Variants in RACK1 observed in about 807,000 individuals in gnomAD.
RACK1 encodes receptor for activated C kinase 1, also known as small ribosomal subunit protein RACK1.
A neutral mutation model predicts 42.2 loss-of-function variants in RACK1; 3 were observed. That is an observed-to-expected ratio of 0.07 (90% confidence interval 0.03 to 0.18). RACK1 has a LOEUF of 0.18. Among genes scored for constraint, RACK1 ranks in the 10% least tolerant of loss-of-function variants. The pLI is 1.00. For missense variants in RACK1, 146 were observed against 403.2 expected, an observed-to-expected ratio of 0.36 and a Z score of 5.46; for synonymous variants, 181 against 154.8, an observed-to-expected ratio of 1.17 and a Z score of -1.25.
intron 7 of RACK1, chr5:181,237,321 T>C (rs1452393986): frequency 2.8e-6 from 2 of 717,322 alleles, no homozygotes; most frequent in African/African-American, 1.7e-5. Context: ...TATGTATTCC[T>C]TGAGGAAGAA....
chr5:181,240,545 T>C (rs1338094306), intron 3 of RACK1: 6 of 148,866 alleles, frequency 4.0e-5, no homozygotes, highest in African/African-American at 1.5e-4. Context: ...CCTGTAATCT[T>C]CTCAGACACC....
intron 1 of RACK1, chr5:181,243,214 G>A: frequency 8.0e-7 from 1 of 1,245,678 alleles, no homozygotes; most frequent in Non-Finnish European, 1.1e-6. Context: ...CACAGGGATA[G>A]GGACGGGGAG....
rs149236542 is a variant in RACK1 at position 181,240,095 on chromosome 5, C to A, written c.430-513G>T. ...ATAGGGCCTGGTGTGGTGGCTCACG[C>A]CTGTAATCCCAGCACTTTAGGAAGC... On this transcript the variant is annotated intron_variant, in intron 3 of 7. Coordinates refer to ENST00000512805, the MANE Select transcript of RACK1 (RefSeq NM_006098.5). 1,809 of 155,168 alleles carry A rather than the reference C, an allele frequency of 0.012. 77 individuals are homozygous for A. The East Asian group carries it at 0.14, about 12-fold the overall frequency. 9.6% of individuals were successfully genotyped at this position (155,168 alleles called of 1,614,324 possible). A position where few individuals can be genotyped will look rare whatever the true frequency, so the allele number is the denominator to read the frequency against.
At chr5:181,242,527 A>G (rs1759382582) in intron 1 of RACK1, 182 bp from the exon 2 acceptor site, 2 of 683,166 alleles carry the variant, frequency 2.9e-6, no homozygotes, top group Non-Finnish European at 5.3e-6. Flanking sequence ...ATTCCAGACT[A>G]AAAACGCACG....
intron 6 of RACK1, 79 bp from the exon 7 acceptor site, chr5:181,237,798 G>GT: frequency 1.2e-6 from 1 of 866,092 alleles, no homozygotes; most frequent in African/African-American, 1.7e-5. Flanking sequence ...AGATTCTCAA[G>GT]TTAAAAAGGG....
chr5:181,242,406 G>T, intron 1 of RACK1, 61 bp from the exon 2 acceptor site: 3 of 1,131,950 alleles, frequency 2.7e-6, no homozygotes, highest in Non-Finnish European at 4.0e-6. Flanking sequence ...TAACACACTG[G>T]ATAATTCACT....
At chr5:181,243,635 C>T in intron 1 of RACK1, 57 bp downstream of exon 1, 1 of 1,541,194 alleles carries the variant, frequency 6.5e-7, no homozygotes. Flanking sequence ...CCCTACACGA[C>T]ACGCGGAATC....
intron 7 of RACK1, 71 bp downstream of exon 7, chr5:181,237,538 G>A (rs751024796): frequency 4.7e-6 from 4 of 851,204 alleles, no homozygotes; most frequent in South Asian, 1.3e-5. Context: ...TGACAGACTA[G>A]ATATACTAAC....
intron 1 of RACK1, chr5:181,242,595 T>G (rs1759387733): frequency 1.9e-6 from 1 of 536,944 alleles, no homozygotes; most frequent in Non-Finnish European, 3.6e-6. Flanking sequence ...TCTCGCTCTG[T>G]CGCCCAGGCT....
At chr5:181,242,038 A>T in intron 2 of RACK1, 136 bp downstream of exon 2, 1 of 844,166 alleles carries the variant, frequency 1.2e-6, no homozygotes, top group Admixed American at 1.8e-5. Flanking sequence ...GGGAGGCCAA[A>T]CATCTTCTGT....
intron 2 of RACK1, 79 bp from the exon 3 acceptor site, chr5:181,241,718 C>T: frequency 6.8e-7 from 1 of 1,481,334 alleles, no homozygotes; most frequent in Middle Eastern, 1.7e-4. Flanking sequence ...TGGGCTTTGT[C>T]TCTGTCTCAT....
At chr5:181,237,944 AC>A (rs1561679068) in intron 6 of RACK1, 154 bp downstream of exon 6, 1 of 761,848 alleles carries the variant, frequency 1.3e-6, no homozygotes, top group African/African-American at 1.7e-5. Flanking sequence ...ACAGGACTGC[AC>A]ACCACAACAG....
chr5:181,242,502 G>T, intron 1 of RACK1, 157 bp from the exon 2 acceptor site: 1 of 679,486 alleles, frequency 1.5e-6, no homozygotes. Context: ...TTACAGACCA[G>T]GACTGAGTGG....
At chr5:181,241,192 G>A in intron 3 of RACK1, 1 of 248,604 alleles carries the variant, frequency 4.0e-6, no homozygotes, top group South Asian at 8.6e-5. Context: ...ACTTTGGGAG[G>A]GCGAGGCAGG....
Position 181,243,720 on chromosome 5 carries a change from G to C in RACK1, c.81C>G (p.Phe27Leu). ...WVTQIATTPQ[F>L]PDMILSASRD... Reference sequence around the variant, plus strand: ...GAGAGGCGGAGAGGATCATGTCCGGGAACTGCGGGGTAGTAGCGATCTGGG... The same window carrying C: ...GAGAGGCGGAGAGGATCATGTCCGGCAACTGCGGGGTAGTAGCGATCTGGG... Residue 27 changes from phenylalanine (F) to leucine (L), a missense_variant, in exon 1 of 8, where the codon TTC becomes TTG. Transcript: ENST00000512805. The C allele has an allele frequency of 6.2e-7, 1 of 1,608,690 alleles. No homozygotes were observed.
At chr5:181,243,613 A>C (rs1759441300) in intron 1 of RACK1, 79 bp downstream of exon 1, 1 of 1,509,078 alleles carries the variant, frequency 6.6e-7, no homozygotes, top group Non-Finnish European at 8.9e-7. Context: ...CTGCCACACC[A>C]CACGCGGAAT....
At chr5:181,238,029 TATA>T in intron 6 of RACK1, 67 bp downstream of exon 6, 1 of 1,540,868 alleles carries the variant, frequency 6.5e-7, no homozygotes, top group Non-Finnish European at 8.9e-7. Context: ...AGATGGCATA[TATA>T]ATAACCAAAA....
Position 181,243,866 on chromosome 5 carries a change from CACCACA to C in RACK1, c.-72_-67del. ...GCACTGGATGGCTTAGAGAAACTAG[CACCACA>C]ACCTCTCCTGCCGCCGCCTTGCAGT... On this transcript the variant is annotated 5_prime_UTR_variant, in exon 1 of 8. Transcript: ENST00000512805. The C allele has an allele frequency of 1.3e-6, 2 of 1,517,836 alleles. No homozygotes were observed. Among genetic ancestry groups the C allele is most frequent in the Non-Finnish European group, 1.8e-6 (2 of 1,129,086 alleles). 94.0% of individuals were successfully genotyped at this position (1,517,836 alleles called of 1,614,324 possible).
intron 1 of RACK1, chr5:181,243,329 C>T (rs1398786658): frequency 7.3e-7 from 1 of 1,366,924 alleles, no homozygotes; most frequent in Admixed American, 1.9e-5. Flanking sequence ...GAAACAGCCT[C>T]TGGATTTCAG....
Sources: allele counts gnomAD v4.1 joint callset, GRCh38; gene constraint gnomAD v4.1.1; transcripts MANE v1.5; gene names NCBI Gene and HGNC (gene_info 2026-07-23, HGNC 2026-07-21).